The following COL11A1 variants were observed in gnomAD, a reference collection of about 807,000 sequenced individuals.
The protein encoded by COL11A1 is collagen alpha-1(XI) chain.
Under a neutral mutation model 265.2 loss-of-function variants are expected in COL11A1, and 74 were observed. That is an observed-to-expected ratio of 0.28 (90% CI 0.23 to 0.34). COL11A1 has a LOEUF of 0.34. Ranked by LOEUF, COL11A1 falls within the 10% of genes least tolerant of loss-of-function variation. The pLI is 1.00. For missense variants in COL11A1, 2,165 were observed against 2,263.6 expected (o/e 0.96, Z 0.88); for synonymous variants, 816 against 727.6 (o/e 1.12, Z -1.96).
At chr1:103,036,049 A>C (rs1015550859) in intron 4 of COL11A1, among the ~76,000 whole-genome samples, 3 of 151,696 alleles carry the variant, frequency 2.0e-5, no homozygotes, top group African/African-American at 7.2e-5. Context: ...AAAACAAATA[A>C]GGAGGCACTA....
rs1667445881 is a variant in COL11A1 at position 103,025,568 on chromosome 1, C to G, written c.943G>C (p.Glu315Gln). The change falls in exon 7 of 67, where the codon GAA (glutamate) becomes CAA (glutamine). Residue 315 changes from glutamate to glutamine, a missense_variant. Physicochemically the swap from Glu to Gln is conservative, Grantham distance 29. Transcript: ENST00000370096. ...DFQEYNYGTMESYQTEAPRHV... is the reference protein window; with the variant it reads ...DFQEYNYGTMQSYQTEAPRHV... ...CTAGGAGCTTCTGTCTGGTAACTTT[C>G]CATTGTTCCATAGTTGTATTCTTGA... 6.2e-7 allele frequency: 1 copy of G among 1,613,746 alleles called. No individual in the cohort carries two copies. Among genetic ancestry groups the G allele is most frequent in the Non-Finnish European group, 8.5e-7 (1 of 1,179,846 alleles).
At chr1:102,960,325 A>G (rs1660773842) in intron 41 of COL11A1, among the ~76,000 whole-genome samples, 1 of 152,116 alleles carries the variant, frequency 6.6e-6, no homozygotes, top group Non-Finnish European at 1.5e-5. Context: ...ATTCATAATA[A>G]TTCAAATGGG....
intron 1 of COL11A1, among the ~76,000 whole-genome samples, chr1:103,089,518 C>T (rs1193967086): frequency 6.6e-6 from 1 of 152,166 alleles, no homozygotes; most frequent in East Asian, 1.9e-4. Context: ...ATATTTTTCT[C>T]TCTCTGTTAA....
chr1:102,880,098 A>G, intron 65 of COL11A1, 182 bp from the exon 66 acceptor site: 1 of 589,444 alleles, frequency 1.7e-6, no homozygotes, highest in Non-Finnish European at 3.0e-6. Context: ...ACAAGATTTT[A>G]TGAATTGTAT....
chr1:103,017,666 AATG>A (rs1208023224), intron 11 of COL11A1, among the ~76,000 whole-genome samples, 151 bp downstream of exon 11: 1 of 152,176 alleles, frequency 6.6e-6, no homozygotes, highest in Non-Finnish European at 1.5e-5. Flanking sequence ...TAATATTTAA[AATG>A]TTAACTAAAA....
intron 54 of COL11A1, among the ~76,000 whole-genome samples, chr1:102,908,220 T>A (rs1654225390): frequency 6.6e-6 from 1 of 152,116 alleles, no homozygotes; most frequent in African/African-American, 2.4e-5. Flanking sequence ...TTTGGCATAT[T>A]TTTTTCTATT....
chr1:103,011,841 A>G (rs1014064625), intron 14 of COL11A1, among the ~76,000 whole-genome samples: 3 of 152,126 alleles, frequency 2.0e-5, no homozygotes, highest in African/African-American at 7.2e-5. Context: ...AAGATTTTTT[A>G]GACAAAAATA....
At chr1:102,980,435 GAGA>G (rs1662929444) in intron 31 of COL11A1, among the ~76,000 whole-genome samples, 1 of 151,966 alleles carries the variant, frequency 6.6e-6, no homozygotes, top group Non-Finnish European at 1.5e-5. Flanking sequence ...TCATAAAATA[GAGA>G]AGATTAGTGT....
Position 102,879,770 on chromosome 1 carries a change from G to A in COL11A1, c.5187C>T (p.Asp1729=), listed in dbSNP as rs1258724777. 6.2e-7 allele frequency: 1 copy of A among 1,613,850 alleles called. No homozygotes were observed. Among genetic ancestry groups the A allele is most frequent in the Non-Finnish European group, 8.5e-7 (1 of 1,179,910 alleles). The change falls in exon 66 of 67, where the codon GAC becomes GAT. Residue 1729 remains aspartate (D), a synonymous_variant. Transcript: ENST00000370096. ...TTGATCCCAGGAAGCGAAGTGCTTT[G>A]TCATAACTTCCTGATGACACATCAT... ...AWYDVSSGSY[D]KALRFLGSND...
intron 49 of COL11A1, among the ~76,000 whole-genome samples, chr1:102,916,618 C>A (rs1464348962): frequency 6.6e-6 from 1 of 151,954 alleles, no homozygotes; most frequent in African/African-American, 2.4e-5. Context: ...ATATTACATA[C>A]AAACATAATT....
intron 10 of COL11A1, 140 bp downstream of exon 10, chr1:103,018,678 G>C (rs897742915): frequency 2.9e-5 from 19 of 659,272 alleles, no homozygotes; most frequent in Non-Finnish European, 3.6e-5. Flanking sequence ...CAGTTCAAAG[G>C]CACCAGCTCC....
chr1:103,003,269 C>T lies in COL11A1; in HGVS notation c.1945-1G>A. On this transcript the variant is annotated splice_acceptor_variant, in intron 20 of 66. Transcript: ENST00000370096. LOFTEE classifies it high-confidence loss of function. ...TTGGACCCAGCAAACCTCGTGGGCC[C>T]TAGGAGAAAAAGAAAAAGCACGCCT... The T allele has an allele frequency of 6.2e-7, 1 of 1,612,206 alleles. No homozygotes were observed. The highest frequency in any genetic ancestry group is 8.5e-7 in the Non-Finnish European group (1 of 1,179,454).
chr1:103,047,591 T>G (rs1160112912), intron 4 of COL11A1, among the ~76,000 whole-genome samples: 1 of 152,214 alleles, frequency 6.6e-6, no homozygotes, highest in African/African-American at 2.4e-5. Flanking sequence ...TGAATACCCT[T>G]TATTTCCTTC....
At chr1:102,928,070 G>A (rs1656841930) in intron 46 of COL11A1, among the ~76,000 whole-genome samples, 1 of 151,886 alleles carries the variant, frequency 6.6e-6, no homozygotes, top group East Asian at 1.9e-4. Context: ...ATCTTGTTAT[G>A]AGTCCTATGA....
At chr1:103,040,083 AAT>A (rs1424161701) in intron 4 of COL11A1, among the ~76,000 whole-genome samples, 6 of 152,070 alleles carry the variant, frequency 3.9e-5, no homozygotes, top group African/African-American at 7.2e-5. Context: ...ATATCCATAA[AAT>A]AGTCTTATTT....
At chr1:102,990,858 C>T (rs928425949) in intron 28 of COL11A1, among the ~76,000 whole-genome samples, 1 of 151,840 alleles carries the variant, frequency 6.6e-6, no homozygotes, top group African/African-American at 2.4e-5. Context: ...CATGGTGAAA[C>T]CCTGTCTCTA....
intron 42 of COL11A1, among the ~76,000 whole-genome samples, chr1:102,941,761 A>C (rs1278143454): frequency 6.6e-6 from 1 of 152,156 alleles, no homozygotes; most frequent in Non-Finnish European, 1.5e-5. Context: ...ACACTATTAC[A>C]TTCCATTCAT....
chr1:103,010,754 G>A (rs1666045638), intron 14 of COL11A1, among the ~76,000 whole-genome samples: 3 of 150,726 alleles, frequency 2.0e-5, no homozygotes, highest in South Asian at 4.2e-4. Context: ...AGGCTGGAGT[G>A]CAGTGGCACA....
chr1:102,972,791 G>A (rs1032156715), intron 36 of COL11A1, among the ~76,000 whole-genome samples: 1 of 151,974 alleles, frequency 6.6e-6, no homozygotes, highest in Non-Finnish European at 1.5e-5. Flanking sequence ...ACTTCTCATT[G>A]GCACTGAGTT....
Sources: allele counts gnomAD v4.1 joint callset (sites outside exome capture counted in the v4.1 genomes callset), GRCh38; gene constraint gnomAD v4.1.1; transcripts MANE v1.5; gene names NCBI Gene and HGNC (gene_info 2026-07-23, HGNC 2026-07-21).